MCPH1: variants seen among roughly 807,000 people sequenced by gnomAD.
MCPH1 encodes the protein microcephalin 1.
Under a neutral mutation model 84.5 loss-of-function variants are expected in MCPH1, and 104 were observed. That is an observed-to-expected ratio of 1.23 (90% CI 1.05 to 1.45). The LOEUF (loss-of-function observed/expected upper bound fraction) is 1.45. MCPH1 is among the 40% of genes most tolerant of loss of function. The probability of loss-of-function intolerance (pLI) is 0.00; values close to 1 mark genes in which losing one functional copy is unlikely to be tolerated. For synonymous variants in MCPH1, 514 were observed against 366.8 expected, an observed-to-expected ratio of 1.40 and a Z score of -4.58; for missense variants, 1,498 against 1,005.7, an observed-to-expected ratio of 1.49 and a Z score of -6.62.
intron 9 of MCPH1, among the ~76,000 whole-genome samples, chr8:6,466,930 T>TA (rs1807053074): frequency 6.6e-6 from 1 of 152,200 alleles, no homozygotes; most frequent in African/African-American, 2.4e-5. Context: ...TTCACACTTT[T>TA]AAAAAAGTTA....
At chr8:6,572,679 C>T (rs1421273955) in intron 12 of MCPH1, among the ~76,000 whole-genome samples, 1 of 152,198 alleles carries the variant, frequency 6.6e-6, no homozygotes, top group African/African-American at 2.4e-5. Context: ...GATAAGGTTA[C>T]TACTATTACA....
Position 6,621,605 on chromosome 8 carries a change from T to G in MCPH1, c.2366T>G (p.Val789Gly), listed in dbSNP as rs759095287. The change falls in exon 13 of 14, where the codon GTC becomes GGC. Residue 789 changes from valine (V) to glycine (G), a missense_variant. Coordinates refer to ENST00000344683, the MANE Select transcript of MCPH1 (RefSeq NM_024596.5). The part of the protein sequence containing the change: ...VHLCGGRVSQ[V>G]PRQASIVIGP... ...CTGTGCGGAGGCCGGGTCAGCCAAG[T>G]CCCCCGCCAGGCCAGCATCGTCATC... 1 of 1,613,898 alleles carries G rather than the reference T, an allele frequency of 6.2e-7. No individual in the cohort carries two copies. Among genetic ancestry groups the G allele is most frequent in the South Asian group, 1.1e-5 (1 of 91,056 alleles).
intron 12 of MCPH1, among the ~76,000 whole-genome samples, chr8:6,588,640 C>A (rs952897260): frequency 6.6e-6 from 1 of 152,254 alleles, no homozygotes; most frequent in Non-Finnish European, 1.5e-5. Context: ...CTGGCGGCCA[C>A]ATCTCCGGGC....
chr8:6,516,980 A>G (rs138976713), intron 12 of MCPH1, among the ~76,000 whole-genome samples: 2 of 152,344 alleles, frequency 1.3e-5, no homozygotes, highest in East Asian at 3.9e-4. Context: ...TTATTAGAAC[A>G]TTTTCTTAGT....
chr8:6,452,076 A>G (rs1805159914), intron 8 of MCPH1, among the ~76,000 whole-genome samples: 1 of 152,200 alleles, frequency 6.6e-6, no homozygotes, highest in Non-Finnish European at 1.5e-5. Flanking sequence ...AGTTTCTCCT[A>G]CAGTCTTTTC....
At chr8:6,562,874 T>C (rs746640861) in intron 12 of MCPH1, 1 of 1,611,178 alleles carries the variant, frequency 6.2e-7, no homozygotes, top group East Asian at 2.2e-5. Flanking sequence ...TTCCGAAAGT[T>C]GTTATAGGCT....
At chr8:6,482,402 G>A (rs73661779) in intron 11 of MCPH1, among the ~76,000 whole-genome samples, 1,776 of 152,292 alleles carry the variant, frequency 0.012, 36 homozygotes, top group African/African-American at 0.041. Context: ...AGGGGGCCAC[G>A]GACTGTGCCC....
At chr8:6,568,357 C>G (rs1246884013) in intron 12 of MCPH1, among the ~76,000 whole-genome samples, 1 of 151,870 alleles carries the variant, frequency 6.6e-6, no homozygotes, top group East Asian at 1.9e-4. Context: ...CAGGTTCCCC[C>G]AGAGCAATCC....
At position 6,444,793 on chromosome 8, in the gene MCPH1, AAG is replaced by A; in HGVS notation, c.1074_1075del (p.Arg358SerfsTer48). 2 of 1,614,096 alleles carry A rather than the reference AAG, an allele frequency of 1.2e-6. No homozygotes were observed. Among genetic ancestry groups the A allele is most frequent in the Non-Finnish European group, 1.7e-6 (2 of 1,179,990 alleles). On this transcript the variant is annotated frameshift_variant, in exon 8 of 14. Coordinates refer to ENST00000344683, the MANE Select transcript of MCPH1 (RefSeq NM_024596.5). LOFTEE classifies it high-confidence loss of function. ...RPRSSSVKRK[R>X]VSHGSHSPPK... ...CCAGGAGTTCCTCAGTAAAGAGAAA[AAG>A]AGTATCACATGGCTCCCATTCACCT...
At chr8:6,642,435 C>CT (rs1270642693) in intron 13 of MCPH1, among the ~76,000 whole-genome samples, 1 of 152,128 alleles carries the variant, frequency 6.6e-6, no homozygotes, top group Non-Finnish European at 1.5e-5. Context: ...AGTCGAGTTT[C>CT]AAACGGATGG....
intron 13 of MCPH1, among the ~76,000 whole-genome samples, chr8:6,640,389 C>T (rs918163439): frequency 1.1e-4 from 16 of 152,012 alleles, no homozygotes; most frequent in African/African-American, 3.9e-4. Context: ...CCCATATTTT[C>T]AATATTGGGT....
At chr8:6,483,279 T>C (rs1809456332) in intron 11 of MCPH1, among the ~76,000 whole-genome samples, 1 of 152,230 alleles carries the variant, frequency 6.6e-6, no homozygotes, top group African/African-American at 2.4e-5. Context: ...TAACACATTC[T>C]CATTCAAAAT....
At chr8:6,407,169 C>G (rs73514761) in intron 1 of MCPH1, 4 of 230,894 alleles carry the variant, frequency 1.7e-5, no homozygotes, top group South Asian at 1.6e-4. Flanking sequence ...GTGGGGCCCT[C>G]CTGGGTCTGG....
intron 13 of MCPH1, among the ~76,000 whole-genome samples, chr8:6,629,215 C>A (rs1161117604): frequency 2.0e-5 from 3 of 152,218 alleles, no homozygotes; most frequent in Non-Finnish European, 4.4e-5. Context: ...ATAATCCCAG[C>A]ACTTTGGGAG....
chr8:6,613,459 G>A (rs527334224), intron 12 of MCPH1, among the ~76,000 whole-genome samples: 2 of 152,218 alleles, frequency 1.3e-5, no homozygotes, highest in South Asian at 4.2e-4. Context: ...GGGGGTGGTG[G>A]GCTGTGTGCT....
intron 8 of MCPH1, among the ~76,000 whole-genome samples, chr8:6,453,963 A>G (rs893473392): frequency 2.0e-5 from 3 of 152,204 alleles, no homozygotes; most frequent in African/African-American, 7.2e-5. Context: ...GCAAATAACA[A>G]CTAGCTTGAA....
Position 6,444,777 on chromosome 8 carries a change from C to T in MCPH1, c.1055C>T (p.Ser352Phe), listed in dbSNP as rs532399692. ...TTGATACATTCAAGACCCAGGAGTTCCTCAGTAAAGAGAAAAAGAGTATCA... is the reference window on the plus strand; with the variant it reads ...TTGATACATTCAAGACCCAGGAGTTTCTCAGTAAAGAGAAAAAGAGTATCA... ...HLLIHSRPRS[S>F]SVKRKRVSHG... Residue 352 changes from serine to phenylalanine, a missense_variant, in exon 8 of 14, where the codon TCC (serine) becomes TTC (phenylalanine). Coordinates refer to ENST00000344683, the MANE Select transcript of MCPH1 (RefSeq NM_024596.5). 8.9e-5 allele frequency: 143 copies of T among 1,614,052 alleles called. 2 individuals carry two copies. In the South Asian group the frequency reaches 1.5e-3, roughly 17 times the overall value.
At chr8:6,465,970 T>TCCAC (rs1294512962) in intron 9 of MCPH1, among the ~76,000 whole-genome samples, 5 of 151,138 alleles carry the variant, frequency 3.3e-5, no homozygotes, top group Non-Finnish European at 5.9e-5. Flanking sequence ...CATCCATCCA[T>TCCAC]CCGATACAGA....
intron 12 of MCPH1, chr8:6,502,201 A>G (rs1043933356): frequency 4.6e-5 from 7 of 152,204 alleles, no homozygotes; most frequent in African/African-American, 1.7e-4. Context: ...TCATCATTAA[A>G]AGTAAGAAGT....
Sources: gnomAD v4.1 joint callset for allele counts (sites outside exome capture counted in the v4.1 genomes callset) on GRCh38, gnomAD v4.1.1 for gene constraint, MANE v1.5 for transcripts, NCBI Gene and HGNC (gene_info 2026-07-23, HGNC 2026-07-21) for gene names.